BTBD8: variants seen among roughly 807,000 people sequenced by gnomAD.
BTBD8 encodes the protein BTB/POZ domain-containing protein 8.
Under a neutral mutation model 162.9 loss-of-function variants are expected in BTBD8, and 110 were observed. That is an observed-to-expected ratio of 0.68 (90% CI 0.58 to 0.79). The LOEUF (loss-of-function observed/expected upper bound fraction) is 0.79, where lower values mean the gene tolerates loss of function less well. Among genes scored for constraint, BTBD8 ranks in the 30% least tolerant of loss-of-function variants. The probability of loss-of-function intolerance (pLI) is 0.00; values close to 1 mark genes in which losing one functional copy is unlikely to be tolerated. For synonymous variants in BTBD8, 667 were observed against 716.1 expected (o/e 0.93, Z 1.10); for missense variants, 1,905 against 2,085.4 (o/e 0.91, Z 1.68).
intron 17 of BTBD8, among the ~76,000 whole-genome samples, chr1:92,182,900 T>C (rs1570764463): frequency 6.6e-6 from 1 of 152,200 alleles, no homozygotes; most frequent in East Asian, 1.9e-4. Context: ...GTTATTTATG[T>C]ATAATTTAAC....
At chr1:92,146,500 GTGT>G (rs1649923787) in intron 7 of BTBD8, among the ~76,000 whole-genome samples, 1 of 152,124 alleles carries the variant, frequency 6.6e-6, no homozygotes, top group Non-Finnish European at 1.5e-5. Context: ...TTTGCTGTTG[GTGT>G]TGTACATTTT....
chr1:92,112,919 A>T (rs1648937891), intron 4 of BTBD8, among the ~76,000 whole-genome samples: 1 of 152,206 alleles, frequency 6.6e-6, no homozygotes, highest in African/African-American at 2.4e-5. Context: ...TCCTACTAAA[A>T]TTTCCTTCTC....
chr1:92,119,463 T>A (rs1649133953), intron 4 of BTBD8, among the ~76,000 whole-genome samples: 1 of 149,676 alleles, frequency 6.7e-6, no homozygotes, highest in Non-Finnish European at 1.5e-5. Flanking sequence ...TTTTTGTATT[T>A]TTTGTAGAGA....
intron 4 of BTBD8, among the ~76,000 whole-genome samples, chr1:92,128,349 G>A (rs1208867575): frequency 3.3e-5 from 5 of 151,964 alleles, no homozygotes; most frequent in African/African-American, 9.7e-5. Flanking sequence ...TGCAATCTCG[G>A]CTCACTGCAA....
intron 4 of BTBD8, 57 bp from the exon 5 acceptor site, chr1:92,129,630 T>A (rs2101928997): frequency 7.4e-7 from 1 of 1,343,022 alleles, no homozygotes; most frequent in Non-Finnish European, 1.1e-6. Context: ...CATAAAAAAT[T>A]ACATTTTGAA....
rs60676530 is a variant in BTBD8 at position 92,106,660 on chromosome 1, C to CAAAAAAAAAAA, written c.545-1205_545-1195dup. Among the ~76,000 whole-genome samples the CAAAAAAAAAAA allele has an allele frequency of 2.1e-3, 21 of 9,952 alleles. 8 individuals carry two copies. Among genetic ancestry groups the CAAAAAAAAAAA allele is most frequent in the African/African-American group, 8.3e-3 (21 of 2,524 alleles). 6.5% of individuals were successfully genotyped at this position (9,952 alleles called of 152,430 possible). The stretch of plus-strand genomic sequence containing the variant: ...TGGGCGACAGAGTAAGACTCTGTCT[C>CAAAAAAAAAAA]AAAAAAAAAAAAAAAAAAAAAAAAA... On this transcript the variant is annotated intron_variant, in intron 3 of 17. Coordinates refer to ENST00000636805, the MANE Select transcript of BTBD8 (RefSeq NM_001376131.1).
chr1:92,096,175 G>T lies in BTBD8; in HGVS notation c.348-6298G>T, dbSNP rs138961156. 3.9e-4 allele frequency among the ~76,000 whole-genome samples: 59 copies of T among 152,122 alleles called. No individual in the cohort carries two copies. The East Asian group carries it at 0.011, about 29-fold the overall frequency. ...TAGTAGAAACGGGTTCGCCATGTTGGCCAGGCTGGTCTCGAGCTCCTGACC... is the reference window on the plus strand; with the variant it reads ...TAGTAGAAACGGGTTCGCCATGTTGTCCAGGCTGGTCTCGAGCTCCTGACC... On this transcript the variant is annotated intron_variant, in intron 2 of 17. Transcript: ENST00000636805.
chr1:92,179,358 G>A (rs193257680), intron 16 of BTBD8, among the ~76,000 whole-genome samples: 1 of 152,156 alleles, frequency 6.6e-6, no homozygotes, highest in East Asian at 1.9e-4. Flanking sequence ...GTTTTTCAGT[G>A]TTCTGAAAAC....
At chr1:92,173,727 C>T (rs764857729) in intron 13 of BTBD8, among the ~76,000 whole-genome samples, 10 of 152,132 alleles carry the variant, frequency 6.6e-5, no homozygotes, top group Non-Finnish European at 1.0e-4. Flanking sequence ...TATGTGTCAT[C>T]TGTGAGTCTT....
In BTBD8 at chr1:92,177,088, G is replaced by C; in HGVS notation, c.1895G>C (p.Gly632Ala). Residue 632 changes from glycine (G) to alanine (A), a missense_variant, in exon 14 of 18, where the codon GGA (glycine) becomes GCA (alanine). Around this residue, in one of 3 missense-constraint regions of BTBD8, gnomAD observed 1,374 missense variants for 1,442.7 expected, o/e 0.95. Coordinates refer to ENST00000636805, the MANE Select transcript of BTBD8 (RefSeq NM_001376131.1). ...AAAACTGGGGGAAAAAATGTTTCTG[G>C]AAAGCCCAAAACTGTAACAAAATCC... ...ELKTGGKNVSGKPKTVTKSKT... is the reference protein window; with the variant it reads ...ELKTGGKNVSAKPKTVTKSKT... 1 of 1,551,554 alleles carries C rather than the reference G, an allele frequency of 6.4e-7. No homozygotes were observed. Among genetic ancestry groups the C allele is most frequent in the Non-Finnish European group, 8.7e-7 (1 of 1,146,974 alleles).
chr1:92,137,038 A>G (rs903047912), intron 5 of BTBD8, among the ~76,000 whole-genome samples: 1 of 152,204 alleles, frequency 6.6e-6, no homozygotes, highest in African/African-American at 2.4e-5. Context: ...AGGGGAAAGC[A>G]TTTTAAGCAC....
chr1:92,108,090 C>A, intron 4 of BTBD8, 89 bp downstream of exon 4: 1 of 1,264,272 alleles, frequency 7.9e-7, no homozygotes, highest in Non-Finnish European at 1.1e-6. Context: ...GGTTTTCAAA[C>A]TCTGGTTTTC....
chr1:92,112,619 A>G (rs934090212), intron 4 of BTBD8, among the ~76,000 whole-genome samples: 2 of 152,204 alleles, frequency 1.3e-5, no homozygotes, highest in African/African-American at 4.8e-5. Context: ...CTAAACAACT[A>G]TTAGTCCAAA....
rs987516632 is a variant in BTBD8, at chr1:92,102,465, T to A, written c.348-8T>A. 2.2e-6 allele frequency: 3 copies of A among 1,384,192 alleles called. No homozygotes were observed. The highest frequency in any genetic ancestry group is 3.4e-5 in the South Asian group (2 of 58,808). 85.7% of individuals were successfully genotyped at this position (1,384,192 alleles called of 1,614,324 possible). Reference sequence around the variant, plus strand: ...TATTTTATTAATATTTTATATTTTGTCTTTTAGGATTATATATTCATCAAA... The same window carrying A: ...TATTTTATTAATATTTTATATTTTGACTTTTAGGATTATATATTCATCAAA... On this transcript the variant is annotated splice_polypyrimidine_tract_variant and splice_region_variant and intron_variant, in intron 2 of 17. Coordinates refer to ENST00000636805, the MANE Select transcript of BTBD8 (RefSeq NM_001376131.1).
At chr1:92,132,451 G>A (rs1390767644) in intron 5 of BTBD8, among the ~76,000 whole-genome samples, 1 of 152,000 alleles carries the variant, frequency 6.6e-6, no homozygotes, top group Admixed American at 6.6e-5. Flanking sequence ...GAAAGAAATA[G>A]TGACATCAAT....
chr1:92,103,381 G>T (rs1648649370), intron 3 of BTBD8, among the ~76,000 whole-genome samples: 1 of 152,172 alleles, frequency 6.6e-6, no homozygotes, highest in Non-Finnish European at 1.5e-5. Context: ...CCTTGAGGTA[G>T]ATCATTCATA....
chr1:92,130,744 G>A (rs1649497562), intron 5 of BTBD8, among the ~76,000 whole-genome samples: 1 of 152,046 alleles, frequency 6.6e-6, no homozygotes, highest in Non-Finnish European at 1.5e-5. Flanking sequence ...GGTCACCCAG[G>A]CTGGAGTCAA....
intron 5 of BTBD8, among the ~76,000 whole-genome samples, chr1:92,130,539 T>TACACACACACACAC (rs59796834): frequency 1.5e-5 from 2 of 131,124 alleles, no homozygotes; most frequent in African/African-American, 5.4e-5. Flanking sequence ...TATATATATT[T>TACACACACACACAC]ACACACACAC....
rs776052910 is a variant in BTBD8, at chr1:92,180,879, G to A, written c.3196G>A (p.Asp1066Asn). The change falls in exon 17 of 18, where the codon GAT becomes AAT. Residue 1066 changes from aspartate to asparagine, a missense_variant. Transcript: ENST00000636805. ...CAATCACAAAGAAACAGATGATTGC[G>A]ATGCAGCTAACATATGTTGTCATTC... ...FPNHKETDDCDAANICCHSVG... is the reference protein window; with the variant it reads ...FPNHKETDDCNAANICCHSVG... 5.2e-6 allele frequency: 8 copies of A among 1,551,494 alleles called. No individual in the cohort carries two copies. The highest frequency in any genetic ancestry group is 2.4e-5 in the South Asian group (2 of 84,052).
Sources: allele counts gnomAD v4.1 joint callset (sites outside exome capture counted in the v4.1 genomes callset), GRCh38; gene constraint gnomAD v4.1.1; regional missense constraint gnomAD v4.1.1; transcripts MANE v1.5; gene names NCBI Gene and HGNC (gene_info 2026-07-23, HGNC 2026-07-21).